SNTG1: variants seen among roughly 807,000 people sequenced by gnomAD.
SNTG1 encodes the protein syntrophin gamma 1.
A neutral mutation model predicts 74.7 loss-of-function variants in SNTG1; 39 were observed. The ratio of observed to expected loss-of-function variants is 0.52; its 90% confidence interval spans 0.40 to 0.68. The LOEUF (loss-of-function observed/expected upper bound fraction) is 0.68, where lower values mean the gene tolerates loss of function less well. SNTG1 is among the 30% of genes least tolerant of loss of function. The pLI is 0.00. For missense variants in SNTG1, 685 were observed against 609.5 expected, an observed-to-expected ratio of 1.12 and a Z score of -1.30; for synonymous variants, 254 against 217.1, an observed-to-expected ratio of 1.17 and a Z score of -1.49.
intron 1 of SNTG1, among the ~76,000 whole-genome samples, chr8:50,148,760 T>C (rs902174414): frequency 6.6e-6 from 1 of 152,226 alleles, no homozygotes; most frequent in African/African-American, 2.4e-5. Flanking sequence ...TAGTATTCCA[T>C]GGTCTATATG....
At chr8:50,233,162 A>G (rs2085716212) in intron 2 of SNTG1, among the ~76,000 whole-genome samples, 1 of 151,658 alleles carries the variant, frequency 6.6e-6, no homozygotes. Flanking sequence ...GATTTTCAAG[A>G]TAACAGTACA....
intron 18 of SNTG1, among the ~76,000 whole-genome samples, chr8:50,753,924 T>C (rs1329846163): frequency 6.6e-6 from 1 of 151,898 alleles, no homozygotes; most frequent in Non-Finnish European, 1.5e-5. Flanking sequence ...AAATACCCAA[T>C]AAAATATGAT....
At chr8:49,995,224 G>A (rs779927543) in intron 1 of SNTG1, among the ~76,000 whole-genome samples, 2 of 152,156 alleles carry the variant, frequency 1.3e-5, no homozygotes, top group East Asian at 1.9e-4. Flanking sequence ...TCAATGGAGT[G>A]TGAAACAGAA....
At chr8:50,592,900 A>T (rs1247490270) in intron 13 of SNTG1, among the ~76,000 whole-genome samples, 3 of 152,314 alleles carry the variant, frequency 2.0e-5, no homozygotes, top group East Asian at 3.9e-4. Flanking sequence ...TTTAAGAAAT[A>T]GGATTAATTT....
intron 12 of SNTG1, among the ~76,000 whole-genome samples, chr8:50,582,307 C>A (rs2094615457): frequency 1.3e-5 from 2 of 152,116 alleles, no homozygotes; most frequent in African/African-American, 4.8e-5. Flanking sequence ...AAGACCTAGG[C>A]CTTCTCTAGG....
intron 4 of SNTG1, among the ~76,000 whole-genome samples, chr8:50,413,911 TCTATC>T (rs774387750): frequency 1.3e-5 from 2 of 152,216 alleles, no homozygotes; most frequent in Non-Finnish European, 2.9e-5. Flanking sequence ...GAAGTTCTAT[TCTATC>T]CTATTTTATA....
intron 1 of SNTG1, among the ~76,000 whole-genome samples, chr8:50,093,653 TG>T (rs2079825145): frequency 6.6e-6 from 1 of 152,060 alleles, no homozygotes; most frequent in African/African-American, 2.4e-5. Context: ...TATGGTCCCT[TG>T]TAAGACCTAC....
chr8:50,688,594 C>A (rs889818607), intron 15 of SNTG1, among the ~76,000 whole-genome samples: 3 of 152,126 alleles, frequency 2.0e-5, no homozygotes, highest in Non-Finnish European at 4.4e-5. Flanking sequence ...TCTGAGGGCT[C>A]TGTTCTGTTC....
intron 12 of SNTG1, among the ~76,000 whole-genome samples, chr8:50,577,203 A>G (rs367769422): frequency 6.6e-6 from 1 of 152,020 alleles, no homozygotes; most frequent in South Asian, 2.1e-4. Context: ...AATTTTGTCA[A>G]TTGCTTTTTC....
chr8:50,577,407 G>A (rs2094582840), intron 12 of SNTG1, among the ~76,000 whole-genome samples: 1 of 149,780 alleles, frequency 6.7e-6, no homozygotes, highest in East Asian at 1.9e-4. Context: ...GTATTTTGTT[G>A]AGGATATTTT....
chr8:50,730,624 T>C (rs974831177), intron 17 of SNTG1, among the ~76,000 whole-genome samples: 8 of 152,342 alleles, frequency 5.3e-5, no homozygotes, highest in Admixed American at 2.0e-4. Context: ...AAAATCATTA[T>C]AGACATTCAT....
intron 15 of SNTG1, among the ~76,000 whole-genome samples, chr8:50,696,338 G>T (rs2095405147): frequency 6.6e-6 from 1 of 151,954 alleles, no homozygotes; most frequent in African/African-American, 2.4e-5. Flanking sequence ...TTGTTGAGTT[G>T]TCTGAGTTCC....
intron 17 of SNTG1, among the ~76,000 whole-genome samples, chr8:50,711,720 C>T (rs1046014823): frequency 2.0e-5 from 3 of 152,080 alleles, no homozygotes; most frequent in African/African-American, 2.4e-5. Flanking sequence ...GAGCATAAGA[C>T]GTATTAAATA....
intron 17 of SNTG1, among the ~76,000 whole-genome samples, chr8:50,746,812 G>T (rs1174329013): frequency 6.8e-6 from 1 of 146,990 alleles, no homozygotes; most frequent in Non-Finnish European, 1.5e-5. Flanking sequence ...ATATATATTT[G>T]CATATACATA....
chr8:50,225,857 G>T (rs1396797220), intron 2 of SNTG1, among the ~76,000 whole-genome samples: 4 of 152,104 alleles, frequency 2.6e-5, no homozygotes, highest in Non-Finnish European at 4.4e-5. Flanking sequence ...TTTACTTTAT[G>T]TTGTAGCTTG....
intron 17 of SNTG1, chr8:50,747,983 A>T (rs1563804109): frequency 6.6e-6 from 1 of 151,804 alleles, no homozygotes. Flanking sequence ...TGTAAGGTAC[A>T]TTTTTTCCCC....
intron 17 of SNTG1, among the ~76,000 whole-genome samples, chr8:50,735,168 TA>T (rs1390360982): frequency 6.6e-6 from 1 of 151,510 alleles, no homozygotes; most frequent in African/African-American, 2.4e-5. Flanking sequence ...ATATTGGATT[TA>T]AAAAATGATC....
chr8:49,952,196 T>C (rs1344102895), intron 1 of SNTG1, among the ~76,000 whole-genome samples: 1 of 152,194 alleles, frequency 6.6e-6, no homozygotes, highest in Non-Finnish European at 1.5e-5. Context: ...TACTGTATCA[T>C]GCCATGAAAA....
At chr8:50,636,713 G>A (rs117666628) in intron 13 of SNTG1, among the ~76,000 whole-genome samples, 83 of 152,178 alleles carry the variant, frequency 5.5e-4, no homozygotes, top group African/African-American at 1.8e-3. Context: ...TTTCAGCAGC[G>A]TGATGTTAAA....
Sources: allele counts gnomAD v4.1 joint callset (sites outside exome capture counted in the v4.1 genomes callset), GRCh38; gene constraint gnomAD v4.1.1; transcripts MANE v1.5; gene names NCBI Gene and HGNC (gene_info 2026-07-23, HGNC 2026-07-21).